Variants in RBMS3 observed in about 807,000 individuals in gnomAD.
The protein encoded by RBMS3 is RNA binding motif single stranded interacting protein 3.
Under a neutral mutation model 66.8 loss-of-function variants are expected in RBMS3, and 27 were observed. The observed-to-expected ratio is 0.40, with a 90% confidence interval of 0.30 to 0.56. The LOEUF is 0.56. Among genes scored for constraint, RBMS3 ranks in the 20% least tolerant of loss-of-function variants. The probability of loss-of-function intolerance (pLI) is 0.40; values close to 1 mark genes in which losing one functional copy is unlikely to be tolerated. For synonymous variants in RBMS3, 188 were observed against 183.0 expected (o/e 1.03, Z -0.22); for missense variants, 513 against 549.5 (o/e 0.93, Z 0.66).
chr3:29,310,739 G>T (rs1461223422), intron 1 of RBMS3, among the ~76,000 whole-genome samples: 1 of 151,706 alleles, frequency 6.6e-6, no homozygotes, highest in African/African-American at 2.4e-5. Context: ...GATCACTCAA[G>T]ATGCGCTCCT....
chr3:29,366,886 A>T (rs1267641695), intron 1 of RBMS3, among the ~76,000 whole-genome samples: 1 of 152,178 alleles, frequency 6.6e-6, no homozygotes, highest in Admixed American at 6.6e-5. Context: ...ACATGAAAAT[A>T]AAAGTCAGTC....
chr3:29,696,356 G>A (rs1035443260), intron 4 of RBMS3, among the ~76,000 whole-genome samples: 5 of 152,178 alleles, frequency 3.3e-5, no homozygotes, highest in Non-Finnish European at 5.9e-5. Context: ...ATAGAACACA[G>A]TAAGTGCTGA....
intron 8 of RBMS3, among the ~76,000 whole-genome samples, chr3:29,884,703 A>G (rs904726068): frequency 1.3e-5 from 2 of 151,862 alleles, no homozygotes; most frequent in African/African-American, 2.4e-5. Flanking sequence ...GTATCCACCT[A>G]CTTAGAACAA....
At chr3:29,524,481 G>A (rs944515301) in intron 3 of RBMS3, among the ~76,000 whole-genome samples, 2 of 135,432 alleles carry the variant, frequency 1.5e-5, no homozygotes, top group Non-Finnish European at 3.0e-5. Flanking sequence ...AGGCTGGAGC[G>A]CAGTGGTGCG....
intron 12 of RBMS3, among the ~76,000 whole-genome samples, chr3:29,971,089 T>C (rs1697198967): frequency 6.6e-6 from 1 of 151,848 alleles, no homozygotes; most frequent in African/African-American, 2.4e-5. Flanking sequence ...GCTCCTCCAG[T>C]GTCTTCTCTC....
chr3:29,860,685 A>C (rs1157882310), intron 6 of RBMS3, among the ~76,000 whole-genome samples: 1 of 152,224 alleles, frequency 6.6e-6, no homozygotes, highest in Admixed American at 6.5e-5. Flanking sequence ...TGCCAGTATT[A>C]GTTGGTATTG....
At chr3:29,295,317 A>G (rs2033168324) in intron 1 of RBMS3, among the ~76,000 whole-genome samples, 1 of 128,736 alleles carries the variant, frequency 7.8e-6, no homozygotes, top group Non-Finnish European at 1.7e-5. Flanking sequence ...ATATATATAC[A>G]TATATATATA....
At chr3:29,746,311 G>A (rs988591697) in intron 5 of RBMS3, among the ~76,000 whole-genome samples, 2 of 152,064 alleles carry the variant, frequency 1.3e-5, no homozygotes, top group Admixed American at 6.6e-5. Context: ...TCCTTTTGCC[G>A]TTACTATTTT....
At chr3:29,587,054 A>G in intron 3 of RBMS3, 60 bp from the exon 4 acceptor site, 1 of 1,278,642 alleles carries the variant, frequency 7.8e-7, no homozygotes, top group Non-Finnish European at 1.1e-6. Flanking sequence ...GTACTTCATC[A>G]GTGAAGATAG....
At chr3:29,679,281 T>C (rs748387432) in intron 4 of RBMS3, among the ~76,000 whole-genome samples, 3 of 152,162 alleles carry the variant, frequency 2.0e-5, no homozygotes, top group Non-Finnish European at 4.4e-5. Flanking sequence ...ACTCAACATA[T>C]ACCCATGTGC....
chr3:29,926,553 C>T (rs866697494), intron 10 of RBMS3, among the ~76,000 whole-genome samples: 19 of 152,224 alleles, frequency 1.2e-4, no homozygotes, highest in Middle Eastern at 6.8e-3. Flanking sequence ...GGCCCATTTG[C>T]CAATAGGATC....
chr3:29,492,666 T>C (rs2043594272), intron 3 of RBMS3, among the ~76,000 whole-genome samples: 1 of 151,662 alleles, frequency 6.6e-6, no homozygotes, highest in Admixed American at 6.6e-5. Context: ...GAAACCATAC[T>C]GAGAAAGGAG....
At chr3:29,702,412 A>G (rs1233552407) in intron 4 of RBMS3, among the ~76,000 whole-genome samples, 3 of 152,202 alleles carry the variant, frequency 2.0e-5, no homozygotes, top group African/African-American at 7.2e-5. Context: ...AAAATGGACC[A>G]ATCAGCAGGA....
At chr3:29,916,582 C>G (rs1577137998) in intron 10 of RBMS3, among the ~76,000 whole-genome samples, 1 of 151,796 alleles carries the variant, frequency 6.6e-6, no homozygotes, top group Admixed American at 6.6e-5. Flanking sequence ...TCAGGGGAAG[C>G]ACATATTTGT....
intron 4 of RBMS3, among the ~76,000 whole-genome samples, chr3:29,594,136 C>T (rs2149105487): frequency 6.6e-6 from 1 of 152,226 alleles, no homozygotes; most frequent in South Asian, 2.1e-4. Flanking sequence ...GAGATAGCAT[C>T]TTTGGGTTTT....
chr3:29,435,282 C>T (rs1038765658), intron 2 of RBMS3, among the ~76,000 whole-genome samples: 2 of 152,170 alleles, frequency 1.3e-5, no homozygotes, highest in Admixed American at 1.3e-4. Flanking sequence ...TGAAAGGAAT[C>T]TCAAAAACTC....
chr3:29,489,169 C>A (rs1380820495), intron 3 of RBMS3, among the ~76,000 whole-genome samples: 1 of 152,124 alleles, frequency 6.6e-6, no homozygotes, highest in Admixed American at 6.5e-5. Context: ...CTTCTTGTAA[C>A]ATGCTGTTTG....
At chr3:29,685,353 G>A (rs1486410791) in intron 4 of RBMS3, among the ~76,000 whole-genome samples, 5 of 152,142 alleles carry the variant, frequency 3.3e-5, no homozygotes, top group Admixed American at 6.5e-5. Flanking sequence ...GAGCTGCAGC[G>A]CCCAGCCCGG....
chr3:29,305,044 A>G (rs1190832856), intron 1 of RBMS3, among the ~76,000 whole-genome samples: 5 of 151,836 alleles, frequency 3.3e-5, no homozygotes, highest in African/African-American at 1.2e-4. Flanking sequence ...TATTCCAGTC[A>G]CGATGGCCTT....
Sources: allele counts gnomAD v4.1 joint callset (sites outside exome capture counted in the v4.1 genomes callset), GRCh38; gene constraint gnomAD v4.1.1; transcripts MANE v1.5; gene names NCBI Gene and HGNC (gene_info 2026-07-23, HGNC 2026-07-21).